The following DPYD variants were observed in gnomAD, a reference collection of about 807,000 sequenced individuals.
The protein encoded by DPYD is dihydropyrimidine dehydrogenase [NADP(+)].
In DPYD, 109 loss-of-function variants were observed where a neutral mutation model predicts 116.2. The ratio of observed to expected loss-of-function variants is 0.94; its 90% confidence interval spans 0.80 to 1.10. DPYD has a LOEUF of 1.10. Among genes scored for constraint, DPYD ranks in the 50% least tolerant of loss-of-function variants. The pLI is 0.00. For synonymous variants in DPYD, 440 were observed against 432.0 expected (o/e 1.02, Z -0.23); for missense variants, 1,302 against 1,254.5 (o/e 1.04, Z -0.57).
intron 16 of DPYD, among the ~76,000 whole-genome samples, chr1:97,372,341 C>A (rs777933027): frequency 7.2e-5 from 11 of 151,990 alleles, no homozygotes; most frequent in Admixed American, 3.3e-4. Flanking sequence ...TTTAAGGAAT[C>A]CTTCTCATTT....
intron 18 of DPYD, among the ~76,000 whole-genome samples, chr1:97,254,755 A>G (rs548524275): frequency 2.0e-4 from 31 of 152,332 alleles, no homozygotes; most frequent in Middle Eastern, 6.8e-3. Flanking sequence ...AAGTGTTAAA[A>G]TAAACGTTTA....
chr1:97,912,204 C>G (rs935094502), intron 1 of DPYD, among the ~76,000 whole-genome samples: 1 of 151,976 alleles, frequency 6.6e-6, no homozygotes, highest in African/African-American at 2.4e-5. Flanking sequence ...CAAACGAGAA[C>G]GGCAGAACCA....
At chr1:97,676,845 G>A (rs1185474694) in intron 8 of DPYD, among the ~76,000 whole-genome samples, 14 of 151,978 alleles carry the variant, frequency 9.2e-5, no homozygotes, top group South Asian at 2.1e-4. Context: ...AATTTTTCTC[G>A]TATATGTTTC....
chr1:97,812,870 G>A (rs895600701), intron 3 of DPYD, among the ~76,000 whole-genome samples: 4 of 152,068 alleles, frequency 2.6e-5, no homozygotes, highest in Non-Finnish European at 5.9e-5. Flanking sequence ...GGAAATATGT[G>A]TGACAAAAAT....
intron 9 of DPYD, 35 bp from the exon 10 acceptor site, chr1:97,593,422 G>T (rs776435698): frequency 1.9e-6 from 3 of 1,611,550 alleles, no homozygotes; most frequent in Non-Finnish European, 8.5e-7. Flanking sequence ...TTTTCAAGTA[G>T]AGAAACCATT....
chr1:97,546,470 C>T, intron 12 of DPYD: 2 of 1,604,158 alleles, frequency 1.2e-6, no homozygotes, highest in Non-Finnish European at 1.7e-6. Flanking sequence ...GACAGAGACT[C>T]TGATAGAGAG....
chr1:97,328,798 CA>C (rs1242150212), intron 16 of DPYD, among the ~76,000 whole-genome samples: 7 of 152,020 alleles, frequency 4.6e-5, no homozygotes, highest in Admixed American at 6.6e-5. Flanking sequence ...TTAATCATTT[CA>C]GAGTTATATA....
chr1:97,522,927 T>C (rs925927916), intron 12 of DPYD, among the ~76,000 whole-genome samples: 5 of 152,206 alleles, frequency 3.3e-5, no homozygotes, highest in Admixed American at 2.0e-4. Flanking sequence ...CTTTTAGTAT[T>C]CTAGTTATCC....
chr1:97,127,704 C>T lies in DPYD; in HGVS notation c.2623-29072G>A, dbSNP rs1057457055. On this transcript the variant is annotated intron_variant, in intron 20 of 22. Transcript: ENST00000370192. ...CTGGCATCTTTCCAGTACTAATTTA[C>T]TTGCTACAGATTATATATTTTTTTA... 2.6e-5 allele frequency among the ~76,000 whole-genome samples: 4 copies of T among 152,128 alleles called. No individual in the cohort carries two copies. The South Asian group carries it at 8.3e-4, about 32-fold the overall frequency.
chr1:97,091,807 C>T lies in DPYD; in HGVS notation c.2766+6682G>A, dbSNP rs528719564. Among the ~76,000 whole-genome samples the T allele has an allele frequency of 9.2e-5, 14 of 152,274 alleles. No individual in the cohort carries two copies. The South Asian group carries it at 2.1e-3, about 23-fold the overall frequency. On this transcript the variant is annotated intron_variant, in intron 21 of 22. Coordinates refer to ENST00000370192, the MANE Select transcript of DPYD (RefSeq NM_000110.4). ...TCCCTTGCCTGGACTGTTACAATAG[C>T]TTCTAACTGGTCTCCTTGTTTCTGC...
At chr1:97,645,284 C>T (rs1405191751) in intron 8 of DPYD, among the ~76,000 whole-genome samples, 5 of 152,034 alleles carry the variant, frequency 3.3e-5, no homozygotes, top group African/African-American at 1.2e-4. Flanking sequence ...CTTGTACCCT[C>T]GTCAACAATT....
intron 16 of DPYD, among the ~76,000 whole-genome samples, chr1:97,358,669 G>C (rs916807348): frequency 5.9e-5 from 9 of 152,094 alleles, no homozygotes; most frequent in African/African-American, 2.2e-4. Context: ...AGGCAAACAG[G>C]GTCTGGAGTG....
rs76357554 is a variant in DPYD at position 97,355,970 on chromosome 1, T to A, written c.2058+17591A>T. 3.3e-3 allele frequency among the ~76,000 whole-genome samples: 497 copies of A among 152,300 alleles called. 3 individuals carry two copies. Among genetic ancestry groups the A allele is most frequent in the Non-Finnish European group, 5.3e-3 (359 of 68,014 alleles). Reference sequence around the variant, plus strand: ...CCAGAAGTAGGATTGTTGGATCATATGGTAATTCTACTTTTGGTTTTTCGG... The same window carrying A: ...CCAGAAGTAGGATTGTTGGATCATAAGGTAATTCTACTTTTGGTTTTTCGG... On this transcript the variant is annotated intron_variant, in intron 16 of 22. Transcript: ENST00000370192.
chr1:97,130,967 C>T (rs541691047), intron 20 of DPYD, among the ~76,000 whole-genome samples: 2 of 150,220 alleles, frequency 1.3e-5, no homozygotes, highest in African/African-American at 4.9e-5. Flanking sequence ...CTTCTGCATG[C>T]CCAGTTATTA....
rs5776343 is a variant in DPYD, at chr1:97,081,140, G to GTT, written c.2907+1188_2907+1189dup. Among the ~76,000 whole-genome samples the GTT allele has an allele frequency of 6.8e-4, 102 of 150,678 alleles. No homozygotes were observed. In the South Asian group the frequency reaches 8.2e-3, roughly 12 times the overall value. On this transcript the variant is annotated intron_variant, in intron 22 of 22. Transcript: ENST00000370192. ...GTGGAACTAGGAAGAAAAATTAATA[G>GTT]TTTTTTTTTAAATTAAAATATGTCT...
intron 5 of DPYD, among the ~76,000 whole-genome samples, chr1:97,705,766 C>T (rs1433279229): frequency 6.6e-6 from 1 of 152,058 alleles, no homozygotes; most frequent in Non-Finnish European, 1.5e-5. Flanking sequence ...TAAAAGTGTT[C>T]CTATTTGTCC....
intron 18 of DPYD, among the ~76,000 whole-genome samples, chr1:97,287,661 C>G (rs187348014): frequency 6.6e-6 from 1 of 152,216 alleles, no homozygotes; most frequent in East Asian, 1.9e-4. Flanking sequence ...GCCTCGCTGC[C>G]GCCTTGCAGT....
chr1:97,493,113 G>C (rs550949071), intron 13 of DPYD, among the ~76,000 whole-genome samples: 1 of 152,294 alleles, frequency 6.6e-6, no homozygotes, highest in African/African-American at 2.4e-5. Context: ...TCTAAAAAAT[G>C]CACTTCTCTG....
intron 13 of DPYD, among the ~76,000 whole-genome samples, chr1:97,484,351 G>A (rs188231180): frequency 3.0e-4 from 46 of 152,222 alleles, no homozygotes; most frequent in African/African-American, 1.0e-3. Flanking sequence ...TAGGTTTTCA[G>A]AAGTATTGTG....
Sources: gnomAD v4.1 joint callset for allele counts (sites outside exome capture counted in the v4.1 genomes callset) on GRCh38, gnomAD v4.1.1 for gene constraint, MANE v1.5 for transcripts, NCBI Gene and HGNC (gene_info 2026-07-23, HGNC 2026-07-21) for gene names.